ROBO1: variants seen among roughly 807,000 people sequenced by gnomAD.
The protein encoded by ROBO1 is roundabout homolog 1.
In ROBO1, 149 loss-of-function variants were observed where a neutral mutation model predicts 195.9. That is an observed-to-expected ratio of 0.76 (90% CI 0.67 to 0.87). The LOEUF (loss-of-function observed/expected upper bound fraction) is 0.87. Among genes scored for constraint, ROBO1 ranks in the 40% least tolerant of loss-of-function variants. The probability of loss-of-function intolerance (pLI) is 0.00; values close to 1 mark genes in which losing one functional copy is unlikely to be tolerated. For synonymous variants in ROBO1, 816 were observed against 733.2 expected (o/e 1.11, Z -1.82); for missense variants, 1,933 against 2,068.3 (o/e 0.93, Z 1.27).
At chr3:79,674,938 C>A (rs763555114) in intron 1 of ROBO1, among the ~76,000 whole-genome samples, 1 of 151,736 alleles carries the variant, frequency 6.6e-6, no homozygotes, top group Non-Finnish European at 1.5e-5. Flanking sequence ...TTCTTACACA[C>A]AGATCCAGTC....
At chr3:78,752,609 T>A (rs913542874) in intron 4 of ROBO1, among the ~76,000 whole-genome samples, 9 of 152,266 alleles carry the variant, frequency 5.9e-5, no homozygotes, top group African/African-American at 2.2e-4. Context: ...TAATATTTAT[T>A]AAATAATTTC....
intron 3 of ROBO1, 75 bp from the exon 4 acceptor site, chr3:78,939,002 T>C (rs2039975690): frequency 1.6e-6 from 2 of 1,277,166 alleles, no homozygotes; most frequent in Non-Finnish European, 2.2e-6. Flanking sequence ...AGCATTGGCT[T>C]AACCATTACT....
intron 8 of ROBO1, among the ~76,000 whole-genome samples, chr3:78,703,295 G>A (rs1045484588): frequency 6.6e-6 from 1 of 152,146 alleles, no homozygotes; most frequent in Non-Finnish European, 1.5e-5. Flanking sequence ...CAGGAGTGGT[G>A]CTCAGCATCT....
rs534177196 is a variant in ROBO1 at position 78,598,586 on chromosome 3, G to A, written c.*327C>T. ...AAGCAGTGCAATGCCATATCTCAGC[G>A]GCAAAATGCAAAAGAACAGTTTTGT... On this transcript the variant is annotated 3_prime_UTR_variant, in exon 31 of 31. Transcript: ENST00000464233. 1.0e-3 allele frequency: 223 copies of A among 221,246 alleles called. No homozygotes were observed. The highest frequency in any genetic ancestry group is 1.6e-3 in the Non-Finnish European group (178 of 113,434). The allele number at this position is 221,246 out of a possible 1,614,324, so 13.7% of individuals were successfully genotyped here.
intron 2 of ROBO1, among the ~76,000 whole-genome samples, chr3:79,575,285 AAT>A (rs1445233560): frequency 4.0e-5 from 5 of 123,660 alleles, no homozygotes; most frequent in African/African-American, 1.6e-4. Context: ...TATATATATA[AAT>A]ATATATAACA....
At chr3:78,778,032 T>C (rs893588250) in intron 4 of ROBO1, among the ~76,000 whole-genome samples, 2 of 152,056 alleles carry the variant, frequency 1.3e-5, no homozygotes, top group Non-Finnish European at 2.9e-5. Flanking sequence ...TTATTGAGAG[T>C]TTTTAGCATG....
At chr3:78,720,041 C>A (rs1290498802) in intron 5 of ROBO1, among the ~76,000 whole-genome samples, 2 of 152,144 alleles carry the variant, frequency 1.3e-5, no homozygotes, top group Non-Finnish European at 2.9e-5. Context: ...TCACTTTTCA[C>A]TAAAGGGAAC....
chr3:79,584,624 T>TGTAC (rs1943765091), intron 2 of ROBO1, among the ~76,000 whole-genome samples: 4 of 137,344 alleles, frequency 2.9e-5, no homozygotes, highest in African/African-American at 1.3e-4. Context: ...TGTGTGTGTG[T>TGTAC]GTGTGTGTGT....
intron 3 of ROBO1, among the ~76,000 whole-genome samples, chr3:78,985,845 A>C (rs1231660921): frequency 6.6e-6 from 1 of 152,182 alleles, no homozygotes; most frequent in African/African-American, 2.4e-5. Context: ...TGGGAAATAC[A>C]TGTTGCTAAA....
chr3:79,144,768 G>T (rs1241364889), intron 2 of ROBO1, among the ~76,000 whole-genome samples: 7 of 151,666 alleles, frequency 4.6e-5, no homozygotes, highest in African/African-American at 1.7e-4. Flanking sequence ...TTCCATTAAT[G>T]GTAGCAAACT....
At chr3:79,406,866 A>C (rs115783875) in intron 2 of ROBO1, among the ~76,000 whole-genome samples, 1,610 of 152,082 alleles carry the variant, frequency 0.011, 28 homozygotes, top group African/African-American at 0.037. Context: ...TTAGTCTTCC[A>C]ATCTGATAGG....
At chr3:79,379,632 A>C (rs953100479) in intron 2 of ROBO1, among the ~76,000 whole-genome samples, 4 of 152,216 alleles carry the variant, frequency 2.6e-5, no homozygotes, top group African/African-American at 9.7e-5. Context: ...CGTAATTCAC[A>C]CTGTAGAATT....
At chr3:79,532,274 T>A (rs1328544039) in intron 2 of ROBO1, among the ~76,000 whole-genome samples, 1 of 152,152 alleles carries the variant, frequency 6.6e-6, no homozygotes, top group East Asian at 1.9e-4. Flanking sequence ...GCTTATAGTT[T>A]GTCAGTAGGA....
chr3:79,471,710 A>G (rs1286839059), intron 2 of ROBO1, among the ~76,000 whole-genome samples: 1 of 152,134 alleles, frequency 6.6e-6, no homozygotes, highest in Non-Finnish European at 1.5e-5. Context: ...GATACACTGG[A>G]TAAAGAAAAT....
At chr3:79,266,121 A>G (rs1402850551) in intron 2 of ROBO1, among the ~76,000 whole-genome samples, 1 of 151,560 alleles carries the variant, frequency 6.6e-6, no homozygotes, top group Non-Finnish European at 1.5e-5. Flanking sequence ...CATGTATATA[A>G]ATAAATCTTT....
At chr3:79,563,606 ATTAT>A (rs1435838733) in intron 2 of ROBO1, among the ~76,000 whole-genome samples, 3 of 152,094 alleles carry the variant, frequency 2.0e-5, no homozygotes, top group African/African-American at 4.8e-5. Flanking sequence ...ATAAAAAGAA[ATTAT>A]TTGTTTGTAG....
intron 1 of ROBO1, among the ~76,000 whole-genome samples, chr3:79,707,120 T>C (rs1291144150): frequency 6.6e-6 from 1 of 152,198 alleles, no homozygotes; most frequent in Non-Finnish European, 1.5e-5. Flanking sequence ...GTAATTCATC[T>C]AGGCATGGTG....
intron 5 of ROBO1, among the ~76,000 whole-genome samples, chr3:78,736,486 T>C (rs924581551): frequency 2.6e-5 from 4 of 152,112 alleles, no homozygotes; most frequent in Admixed American, 2.0e-4. Flanking sequence ...TCTGAGGAAG[T>C]TGTCTTTGAG....
intron 2 of ROBO1, among the ~76,000 whole-genome samples, chr3:79,540,938 G>T (rs1942044188): frequency 2.0e-5 from 3 of 151,964 alleles, no homozygotes; most frequent in African/African-American, 7.2e-5. Context: ...ATTGCATTTT[G>T]CAAAATAATG....
Sources: gnomAD v4.1 joint callset for allele counts (sites outside exome capture counted in the v4.1 genomes callset) on GRCh38, gnomAD v4.1.1 for gene constraint, MANE v1.5 for transcripts, NCBI Gene and HGNC (gene_info 2026-07-23, HGNC 2026-07-21) for gene names.